Variants in COL28A1 observed in about 807,000 individuals in gnomAD.
COL28A1 encodes collagen type XXVIII alpha 1 chain.
A neutral mutation model predicts 150.2 loss-of-function variants in COL28A1; 161 were observed. The ratio of observed to expected loss-of-function variants is 1.07; its 90% CI spans 0.94 to 1.22. The LOEUF (loss-of-function observed/expected upper bound fraction) is 1.22. COL28A1 is among the 50% of genes most tolerant of loss of function. The probability of loss-of-function intolerance (pLI) is 0.00; values close to 1 mark genes in which losing one functional copy is unlikely to be tolerated. For synonymous variants in COL28A1, 552 were observed against 469.7 expected (o/e 1.18, Z -2.26); for missense variants, 1,617 against 1,388.3 (o/e 1.16, Z -2.62).
chr7:7,354,192 C>A (rs914444220), downstream of COL28A1, among the ~76,000 whole-genome samples: 3 of 151,970 alleles, frequency 2.0e-5, no homozygotes, highest in South Asian at 4.2e-4. Context: ...TGGAGTTTTC[C>A]CATGTTGCCC....
At chr7:7,384,104 C>A (rs1285799354) in intron 27 of COL28A1, among the ~76,000 whole-genome samples, 4 of 152,124 alleles carry the variant, frequency 2.6e-5, no homozygotes, top group Non-Finnish European at 5.9e-5. Context: ...TATTGCCTCC[C>A]CAGTTCAACA....
chr7:7,459,292 G>A (rs1350147916), intron 15 of COL28A1, among the ~76,000 whole-genome samples: 3 of 152,182 alleles, frequency 2.0e-5, no homozygotes, highest in Non-Finnish European at 4.4e-5. Context: ...GTATTTTTTG[G>A]AGTATTTTGG....
At chr7:7,458,082 T>G (rs1787314466) in intron 15 of COL28A1, among the ~76,000 whole-genome samples, 1 of 152,296 alleles carries the variant, frequency 6.6e-6, no homozygotes, top group East Asian at 1.9e-4. Flanking sequence ...GCTCAACAGT[T>G]GGCCAATGTT....
intron 14 of COL28A1, among the ~76,000 whole-genome samples, chr7:7,476,397 T>A (rs1160785852): frequency 6.6e-6 from 1 of 152,184 alleles, no homozygotes; most frequent in African/African-American, 2.4e-5. Flanking sequence ...TAAGCCAAAT[T>A]CAGCCCACTG....
At chr7:7,518,983 C>G (rs1369313030) in intron 6 of COL28A1, among the ~76,000 whole-genome samples, 3 of 152,134 alleles carry the variant, frequency 2.0e-5, no homozygotes, top group Non-Finnish European at 4.4e-5. Context: ...GAAATTAACC[C>G]AATGTCCATT....
chr7:7,416,476 G>C (rs984035909), intron 27 of COL28A1, among the ~76,000 whole-genome samples: 2 of 152,212 alleles, frequency 1.3e-5, no homozygotes, highest in Non-Finnish European at 2.9e-5. Context: ...GCTCATGTTG[G>C]TGACAGGACC....
At chr7:7,505,055 G>A (rs1416058800) in intron 11 of COL28A1, among the ~76,000 whole-genome samples, 1 of 152,170 alleles carries the variant, frequency 6.6e-6, no homozygotes, top group East Asian at 1.9e-4. Context: ...CCCAGTTGAA[G>A]CCTAAGCACA....
intron 16 of COL28A1, 147 bp downstream of exon 16, chr7:7,455,897 C>T (rs1333346562): frequency 4.8e-6 from 5 of 1,039,246 alleles, no homozygotes; most frequent in Non-Finnish European, 6.4e-6. Flanking sequence ...CCATCTTATC[C>T]TTCCCTATAT....
intron 11 of COL28A1, among the ~76,000 whole-genome samples, chr7:7,503,990 G>T (rs1480370663): frequency 6.6e-6 from 1 of 152,154 alleles, no homozygotes; most frequent in African/African-American, 2.4e-5. Context: ...AGGCCCTTGG[G>T]AAATTGATGA....
chr7:7,454,920 A>C (rs1787022807), intron 16 of COL28A1, among the ~76,000 whole-genome samples: 1 of 152,230 alleles, frequency 6.6e-6, no homozygotes, highest in Admixed American at 6.5e-5. Flanking sequence ...TCTGTACCTT[A>C]AGATTCCTAA....
chr7:7,403,756 A>G (rs1206739087), intron 27 of COL28A1, among the ~76,000 whole-genome samples: 2 of 152,222 alleles, frequency 1.3e-5, no homozygotes, highest in Non-Finnish European at 2.9e-5. Context: ...GGATTGCTAC[A>G]TATGCTACAG....
chr7:7,386,810 T>C (rs1782212365), intron 27 of COL28A1, among the ~76,000 whole-genome samples: 1 of 152,178 alleles, frequency 6.6e-6, no homozygotes, highest in African/African-American at 2.4e-5. Flanking sequence ...CGCAGTCTGT[T>C]TGTGCTGCTA....
At chr7:7,492,045 T>C (rs1004709536) in intron 11 of COL28A1, among the ~76,000 whole-genome samples, 4 of 152,232 alleles carry the variant, frequency 2.6e-5, no homozygotes, top group Non-Finnish European at 5.9e-5. Context: ...TTTCAGCTAA[T>C]GAATATTTGC....
chr7:7,415,434 C>T (rs1340932195), intron 27 of COL28A1, among the ~76,000 whole-genome samples: 1 of 152,178 alleles, frequency 6.6e-6, no homozygotes, highest in East Asian at 1.9e-4. Flanking sequence ...CGGTTTTTGC[C>T]ACAGTCAGGA....
intron 23 of COL28A1, among the ~76,000 whole-genome samples, chr7:7,434,060 A>G (rs927192090): frequency 6.6e-6 from 1 of 152,210 alleles, no homozygotes; most frequent in Non-Finnish European, 1.5e-5. Context: ...AATTTTTTAT[A>G]TACTCTTTAA....
intron 21 of COL28A1, 21 bp downstream of exon 21, chr7:7,440,769 G>A (rs932507734): frequency 9.1e-7 from 1 of 1,098,944 alleles, no homozygotes; most frequent in Non-Finnish European, 1.4e-6. Flanking sequence ...CAAAGCGTAA[G>A]TCAGAATACA....
At chr7:7,353,150 G>A (rs1780269005), downstream of COL28A1, among the ~76,000 whole-genome samples, 1 of 152,168 alleles carries the variant, frequency 6.6e-6, no homozygotes, top group Non-Finnish European at 1.5e-5. Flanking sequence ...CCACAAACAA[G>A]GACATGCCAG....
At chr7:7,349,464 A>G in the COL28A1 span, among the ~76,000 whole-genome samples, 5 of 152,114 alleles carry the variant, frequency 3.3e-5, no homozygotes, top group African/African-American at 1.2e-4. Flanking sequence ...CTGAATGCTC[A>G]AGGTGAACCC....
At chr7:7,414,724 T>A (rs551797102) in intron 27 of COL28A1, among the ~76,000 whole-genome samples, 3 of 152,304 alleles carry the variant, frequency 2.0e-5, no homozygotes, top group African/African-American at 7.2e-5. Context: ...GTCCATTCAT[T>A]CTACAAATGG....
Sources: allele counts gnomAD v4.1 joint callset (sites outside exome capture counted in the v4.1 genomes callset), GRCh38; gene constraint gnomAD v4.1.1; transcripts MANE v1.5; gene names NCBI Gene and HGNC (gene_info 2026-07-23, HGNC 2026-07-21).